The following TRPC5OS variants were observed in gnomAD, a reference collection of about 807,000 sequenced individuals.
TRPC5OS encodes putative uncharacterized protein TRPC5OS.
For synonymous variants in TRPC5OS, 30 were observed against 29.3 expected, an observed-to-expected ratio of 1.02 and a Z score of -0.08; for missense variants, 64 against 79.3, an observed-to-expected ratio of 0.81 and a Z score of 0.73.
chrX:111,901,303 ACTAC>A lies in TRPC5OS; in HGVS notation c.-310-233_-310-230del, dbSNP rs199675483. ...AGAGATGCTCAAGAAAGACAGACAAACTACCTATACTCACTTTTCTCCCAAATCT... is the reference window on the plus strand; with the variant it reads ...AGAGATGCTCAAGAAAGACAGACAAACTATACTCACTTTTCTCCCAAATCT... On this transcript the variant is annotated intron_variant, in intron 3 of 3. Transcript: ENST00000635763. Among the ~76,000 whole-genome samples the A allele has an allele frequency of 8.9e-3, 990 of 111,435 alleles. 8 individuals carry two copies. Among genetic ancestry groups the A allele is most frequent in the African/African-American group, 0.03 (924 of 30,668 alleles).
intron 1 of TRPC5OS, chrX:111,881,937 T>C (rs1329352392): frequency 5.4e-5 from 6 of 111,152 alleles, no homozygotes; most frequent in Non-Finnish European, 1.1e-4. Context: ...AATTCAGGGG[T>C]TGCTTCCCGT....
In TRPC5OS at chrX:111,901,955, G is replaced by A. The variant is rs1005375795; in HGVS notation, c.106G>A (p.Glu36Lys). 7.7e-5 allele frequency: 89 copies of A among 1,153,180 alleles called. No individual in the cohort carries two copies. The highest frequency in any genetic ancestry group is 9.5e-5 in the Non-Finnish European group (83 of 871,816). Residue 36 changes from glutamate (E) to lysine (K), a missense_variant, in exon 4 of 4, where the codon GAA becomes AAA. By Grantham distance (56) the Glu-to-Lys change is moderately conservative (BLOSUM62 1). Transcript: ENST00000635763. ...TTTACAATTCATTCTACAAGTACAA[G>A]AAGTTCCTTATGTAGAAGAAAATGG... ...ELLQFILQVQ[E>K]VPYVEENGRA...
rs766116411 is a variant in TRPC5OS, at chrX:111,879,476, C to A, written c.-546+3203C>A. Among the ~76,000 whole-genome samples the A allele has an allele frequency of 3.6e-5, 4 of 112,148 alleles. No individual in the cohort carries two copies. In the South Asian group the frequency reaches 1.1e-3, roughly 32 times the overall value. Reference sequence around the variant, plus strand: ...CTCTCACCTTTTCCAGGCTTTGGTCCTTGCTATTGCCCTTGAATCTTCTTA... The same window carrying A: ...CTCTCACCTTTTCCAGGCTTTGGTCATTGCTATTGCCCTTGAATCTTCTTA... On this transcript the variant is annotated intron_variant, in intron 1 of 3. Coordinates refer to ENST00000635763, the MANE Select transcript of TRPC5OS (RefSeq NM_001195578.2).
intron 3 of TRPC5OS, among the ~76,000 whole-genome samples, chrX:111,897,339 G>A (rs1040596049): frequency 3.6e-5 from 4 of 111,326 alleles, no homozygotes; most frequent in African/African-American, 1.3e-4. Flanking sequence ...CATTGCATCT[G>A]ACATATGCTT....
chrX:111,898,063 AT>A (rs1368528049), intron 3 of TRPC5OS, among the ~76,000 whole-genome samples: 1 of 109,652 alleles, frequency 9.1e-6, no homozygotes, highest in African/African-American at 3.3e-5. Context: ...TCAGTCTTTA[AT>A]TTTAGCCAAT....
chrX:111,890,591 A>G (rs1924755262), intron 1 of TRPC5OS, among the ~76,000 whole-genome samples: 1 of 112,060 alleles, frequency 8.9e-6, no homozygotes, highest in Non-Finnish European at 1.9e-5. Context: ...GTTCTTGCTG[A>G]TATCTTAACA....
At chrX:111,882,021 G>GGGTCTTGTCTCTGACT in intron 1 of TRPC5OS, 1 of 110,010 alleles carries the variant, frequency 9.1e-6, no homozygotes, top group East Asian at 2.9e-4. Context: ...GGTAAGGTAG[G>GGGTCTTGTCTCTGACT]TAAGAAGATC....
intron 1 of TRPC5OS, among the ~76,000 whole-genome samples, chrX:111,885,836 A>T (rs1924466794): frequency 8.9e-6 from 1 of 111,897 alleles, no homozygotes; most frequent in Non-Finnish European, 1.9e-5. Context: ...CATTGTCTAC[A>T]TCACAAAATT....
chrX:111,900,806 A>G (rs886271888), intron 3 of TRPC5OS, among the ~76,000 whole-genome samples: 2 of 112,152 alleles, frequency 1.8e-5, no homozygotes, highest in East Asian at 5.6e-4. Context: ...AACTTCTTGC[A>G]TCCTCAGCAG....
At position 111,888,722 on chromosome X, in the gene TRPC5OS, A is replaced by AG. The variant is rs1339579597; in HGVS notation, c.-545-7229_-545-7228insG. On this transcript the variant is annotated intron_variant, in intron 1 of 3. Transcript: ENST00000635763. The stretch of plus-strand genomic sequence containing the variant: ...AAAAAAAAAAAAAAAAAAAAAAAGA[A>AG]AGAAAAGAAAAGAAAAGAGACTGTA... Among the ~76,000 whole-genome samples, 84 of 98,429 alleles carry AG rather than the reference A, an allele frequency of 8.5e-4. 5 individuals are homozygous for AG. Among genetic ancestry groups the AG allele is most frequent in the African/African-American group, 3.4e-3 (79 of 23,019 alleles). The allele number at this position is 98,429 out of a possible 115,157, so 85.5% of individuals were successfully genotyped here.
At chrX:111,882,995 A>G (rs1924298892) in intron 1 of TRPC5OS, among the ~76,000 whole-genome samples, 1 of 108,951 alleles carries the variant, frequency 9.2e-6, no homozygotes, top group African/African-American at 3.4e-5. Context: ...CTGAGGCAGG[A>G]GAATCGCTTG....
Position 111,901,927 on chromosome X carries a change from G to A in TRPC5OS, c.78G>A (p.Glu26=). Residue 26 remains glutamate (E), a synonymous_variant, in exon 4 of 4, where the codon GAG becomes GAA. Coordinates refer to ENST00000635763, the MANE Select transcript of TRPC5OS (RefSeq NM_001195578.2). ...CVAQLIRIAD[E]LLQFILQVQE... ...CCCAGTTAATAAGAATAGCTGATGA[G>A]CTTTTACAATTCATTCTACAAGTAC... The A allele has an allele frequency of 5.2e-6, 6 of 1,154,810 alleles. No homozygotes were observed. The highest frequency in any genetic ancestry group is 6.9e-6 in the Non-Finnish European group (6 of 872,179).
At chrX:111,886,442 C>A (rs1924498602) in intron 1 of TRPC5OS, among the ~76,000 whole-genome samples, 1 of 112,029 alleles carries the variant, frequency 8.9e-6, no homozygotes, top group Admixed American at 9.4e-5. Flanking sequence ...GTAGATTATG[C>A]TTGCATTGAC....
chrX:111,888,554 C>T (rs1329018792), intron 1 of TRPC5OS, among the ~76,000 whole-genome samples: 1 of 104,616 alleles, frequency 9.6e-6, no homozygotes, highest in Non-Finnish European at 2.0e-5. Context: ...ATTAGCCAGG[C>T]ATGGTGGCAG....
chrX:111,893,295 T>A (rs1194560376), intron 1 of TRPC5OS, among the ~76,000 whole-genome samples: 2 of 111,042 alleles, frequency 1.8e-5, no homozygotes, highest in Non-Finnish European at 3.8e-5. Context: ...GCTGTAATAT[T>A]TGAAAACCAA....
chrX:111,902,411 C>T lies in TRPC5OS; in HGVS notation c.*226C>T, dbSNP rs939001998. The T allele has an allele frequency of 4.1e-6, 1 of 244,458 alleles. No individual in the cohort carries two copies. Among genetic ancestry groups the T allele is most frequent in the Non-Finnish European group, 7.2e-6 (1 of 139,754 alleles). 20.1% of individuals were successfully genotyped at this position (244,458 alleles called of 1,213,427 possible). Reference sequence around the variant, plus strand: ...AAGTTCTGTCTTTTGCCATGTAGGTCTCCCTTTACCTGTACTTACTCTCAT... The same window carrying T: ...AAGTTCTGTCTTTTGCCATGTAGGTTTCCCTTTACCTGTACTTACTCTCAT... On this transcript the variant is annotated 3_prime_UTR_variant, in exon 4 of 4. Coordinates refer to ENST00000635763, the MANE Select transcript of TRPC5OS (RefSeq NM_001195578.2).
intron 1 of TRPC5OS, among the ~76,000 whole-genome samples, chrX:111,886,525 G>A (rs1924505436): frequency 9.0e-6 from 1 of 111,527 alleles, no homozygotes; most frequent in Non-Finnish European, 1.9e-5. Context: ...TATTTGTTGA[G>A]CCTTGCAGCA....
intron 1 of TRPC5OS, among the ~76,000 whole-genome samples, chrX:111,882,170 T>C (rs1053954009): frequency 1.8e-5 from 2 of 112,215 alleles, no homozygotes; most frequent in Non-Finnish European, 3.8e-5. Context: ...GGAAGAAGTT[T>C]TACAGACCAT....
chrX:111,879,079 A>C (rs1255826066), intron 1 of TRPC5OS, among the ~76,000 whole-genome samples: 1 of 112,105 alleles, frequency 8.9e-6, no homozygotes, highest in Non-Finnish European at 1.9e-5. Flanking sequence ...ACAATAAGGG[A>C]AGTATTTATG....
Sources: allele counts gnomAD v4.1 joint callset (sites outside exome capture counted in the v4.1 genomes callset), GRCh38; gene constraint gnomAD v4.1.1; transcripts MANE v1.5; gene names NCBI Gene and HGNC (gene_info 2026-07-23, HGNC 2026-07-21).